The following DGKB variants were observed in gnomAD, a reference collection of about 807,000 sequenced individuals.
DGKB encodes 90 kDa diacylglycerol kinase.
DGKB carries 67 observed loss-of-function variants against 114.3 expected under a neutral mutation model. That is an observed-to-expected ratio of 0.59 (90% CI 0.48 to 0.72). DGKB has a LOEUF of 0.72. Among genes scored for constraint, DGKB ranks in the 30% least tolerant of loss-of-function variants. The pLI is 0.00. For missense variants in DGKB, 907 were observed against 975.2 expected (o/e 0.93, Z 0.93); for synonymous variants, 398 against 323.1 (o/e 1.23, Z -2.49).
At chr7:14,780,635 T>A (rs527931295) in intron 2 of DGKB, among the ~76,000 whole-genome samples, 1 of 152,032 alleles carries the variant, frequency 6.6e-6, no homozygotes, top group Non-Finnish European at 1.5e-5. Flanking sequence ...CCACAGATTT[T>A]TTTTTCACAC....
chr7:14,271,340 C>G (rs1364296371), intron 23 of DGKB, among the ~76,000 whole-genome samples: 2 of 151,998 alleles, frequency 1.3e-5, no homozygotes, highest in African/African-American at 2.4e-5. Flanking sequence ...AGGCCTCAGT[C>G]TTCCTTAAAA....
At chr7:14,310,581 C>T (rs553968277) in intron 23 of DGKB, among the ~76,000 whole-genome samples, 2 of 152,290 alleles carry the variant, frequency 1.3e-5, no homozygotes, top group South Asian at 2.1e-4. Context: ...TAAGGCCAGG[C>T]ACCCTTCTTC....
chr7:14,351,504 C>T (rs1178494207), intron 21 of DGKB, among the ~76,000 whole-genome samples: 1 of 152,168 alleles, frequency 6.6e-6, no homozygotes, highest in Non-Finnish European at 1.5e-5. Context: ...TTGAAGTCCC[C>T]TGGGAAATTA....
intron 23 of DGKB, among the ~76,000 whole-genome samples, chr7:14,292,601 C>T (rs1465300565): frequency 6.6e-6 from 1 of 152,108 alleles, no homozygotes; most frequent in African/African-American, 2.4e-5. Context: ...AGTATCAATC[C>T]TTAAACCAGC....
chr7:14,551,171 T>A (rs1219647884), intron 20 of DGKB, among the ~76,000 whole-genome samples: 2 of 152,180 alleles, frequency 1.3e-5, no homozygotes, highest in Non-Finnish European at 2.9e-5. Flanking sequence ...CTGAAGGATA[T>A]TAAATCACAA....
intron 17 of DGKB, among the ~76,000 whole-genome samples, chr7:14,599,170 C>T (rs578179268): frequency 6.6e-6 from 1 of 152,288 alleles, no homozygotes; most frequent in South Asian, 2.1e-4. Flanking sequence ...CCAAACACAT[C>T]ATCATCATTC....
At chr7:14,216,725 C>CAAAAAAAA (rs755191130) in intron 23 of DGKB, among the ~76,000 whole-genome samples, 9 of 50,318 alleles carry the variant, frequency 1.8e-4, no homozygotes, top group Non-Finnish European at 3.6e-4. Context: ...GACTCCGTCT[C>CAAAAAAAA]AAAAAAAAAA....
chr7:14,647,611 A>C (rs1436846760), intron 13 of DGKB, among the ~76,000 whole-genome samples: 2 of 131,550 alleles, frequency 1.5e-5, no homozygotes, highest in Middle Eastern at 7.5e-3. Flanking sequence ...ATTCAACATC[A>C]CATCAAAAAG....
At chr7:14,587,243 T>C (rs905403472) in intron 17 of DGKB, among the ~76,000 whole-genome samples, 1 of 152,078 alleles carries the variant, frequency 6.6e-6, no homozygotes, top group African/African-American at 2.4e-5. Context: ...GGTTCAAGAC[T>C]TCAGTGGAGG....
chr7:14,847,520 T>G (rs113128058), intron 1 of DGKB, among the ~76,000 whole-genome samples: 3 of 152,136 alleles, frequency 2.0e-5, no homozygotes, highest in Admixed American at 6.6e-5. Context: ...TAAAAAGAAG[T>G]CTAAATTTGA....
At chr7:14,162,685 A>AT (rs1784080867) in intron 25 of DGKB, among the ~76,000 whole-genome samples, 1 of 152,240 alleles carries the variant, frequency 6.6e-6, no homozygotes, top group South Asian at 2.1e-4. Context: ...ACTTAAATTC[A>AT]TTGAACAATA....
At chr7:14,178,775 T>C (rs1027693586) in intron 23 of DGKB, among the ~76,000 whole-genome samples, 1 of 152,188 alleles carries the variant, frequency 6.6e-6, no homozygotes, top group Admixed American at 6.5e-5. Flanking sequence ...TGTTTGGTAG[T>C]ATACTAGATA....
intron 1 of DGKB, among the ~76,000 whole-genome samples, chr7:14,858,218 T>C (rs1201079726): frequency 2.6e-5 from 4 of 152,290 alleles, no homozygotes; most frequent in East Asian, 1.9e-4. Flanking sequence ...CACAATACAA[T>C]GCTGCTTCGC....
chr7:14,448,821 T>C (rs560597264), intron 21 of DGKB, among the ~76,000 whole-genome samples: 1 of 152,200 alleles, frequency 6.6e-6, no homozygotes, highest in Admixed American at 6.6e-5. Flanking sequence ...TTCTGTGTTA[T>C]TAACTATTAC....
chr7:14,154,512 CTAAA>C (rs1452433329), intron 25 of DGKB, among the ~76,000 whole-genome samples: 11 of 151,592 alleles, frequency 7.3e-5, no homozygotes, highest in Non-Finnish European at 2.9e-5. Flanking sequence ...CTTGTAAGGA[CTAAA>C]TGAATCAATG....
intron 23 of DGKB, among the ~76,000 whole-genome samples, chr7:14,296,187 A>G: frequency 1.3e-5 from 2 of 151,964 alleles, no homozygotes; most frequent in East Asian, 3.9e-4. Flanking sequence ...GTGTGCCACC[A>G]TGCCCAGCTA....
chr7:14,492,838 CA>C (rs1784782324), intron 20 of DGKB, among the ~76,000 whole-genome samples: 2 of 151,720 alleles, frequency 1.3e-5, no homozygotes, highest in African/African-American at 4.8e-5. Flanking sequence ...AAGTACATGA[CA>C]AAAAAGGGTT....
intron 13 of DGKB, among the ~76,000 whole-genome samples, chr7:14,670,050 A>G (rs901143560): frequency 6.6e-6 from 1 of 152,134 alleles, no homozygotes; most frequent in African/African-American, 2.4e-5. Flanking sequence ...ACTCTGTAGA[A>G]TAGATGCTGT....
At chr7:14,726,794 A>C (rs1284202242) in intron 5 of DGKB, among the ~76,000 whole-genome samples, 2 of 152,216 alleles carry the variant, frequency 1.3e-5, no homozygotes, top group Non-Finnish European at 2.9e-5. Flanking sequence ...TGATAGATAT[A>C]CAACTAGCCC....
Sources: allele counts gnomAD v4.1 joint callset (sites outside exome capture counted in the v4.1 genomes callset), GRCh38; gene constraint gnomAD v4.1.1; transcripts MANE v1.5; gene names NCBI Gene and HGNC (gene_info 2026-07-23, HGNC 2026-07-21).